TENM4: variants seen among roughly 807,000 people sequenced by gnomAD.
The protein encoded by TENM4 is teneurin-4.
Under a neutral mutation model 243.3 loss-of-function variants are expected in TENM4, and 82 were observed. The ratio of observed to expected loss-of-function variants is 0.34; its 90% confidence interval spans 0.28 to 0.40. The LOEUF is 0.40. TENM4 is among the 10% of genes least tolerant of loss of function. The probability of loss-of-function intolerance (pLI) is 1.00; values close to 1 mark genes in which losing one functional copy is unlikely to be tolerated. For missense variants in TENM4, 3,138 were observed against 3,673.3 expected, an observed-to-expected ratio of 0.85 and a Z score of 3.77; for synonymous variants, 1,412 against 1,456.3, an observed-to-expected ratio of 0.97 and a Z score of 0.69.
At chr11:79,131,798 C>G (rs750756068) in intron 4 of TENM4, among the ~76,000 whole-genome samples, 1 of 152,116 alleles carries the variant, frequency 6.6e-6, no homozygotes, top group Non-Finnish European at 1.5e-5. Context: ...CAGTCCTTAC[C>G]TAGCAGTAAG....
intron 6 of TENM4, among the ~76,000 whole-genome samples, chr11:79,055,218 T>G (rs534563542): frequency 6.6e-6 from 1 of 152,176 alleles, no homozygotes; most frequent in East Asian, 1.9e-4. Flanking sequence ...CTTCTCTCTA[T>G]TCTATCTATT....
chr11:78,746,855 C>T (rs1239273432), intron 19 of TENM4, among the ~76,000 whole-genome samples: 1 of 152,230 alleles, frequency 6.6e-6, no homozygotes, highest in African/African-American at 2.4e-5. Context: ...TAGAAAAATA[C>T]AAGGCAGCTC....
chr11:78,747,521 A>G (rs1374198930), intron 19 of TENM4, among the ~76,000 whole-genome samples: 2 of 152,182 alleles, frequency 1.3e-5, no homozygotes, highest in East Asian at 3.9e-4. Flanking sequence ...TTAGACCCAC[A>G]GGGTGGACTC....
chr11:78,961,266 G>A (rs1328382807), intron 6 of TENM4, among the ~76,000 whole-genome samples: 1 of 152,136 alleles, frequency 6.6e-6, no homozygotes, highest in Non-Finnish European at 1.5e-5. Flanking sequence ...GGAAATCCTG[G>A]GGCTATTAAG....
chr11:79,040,249 A>C (rs1305124477), intron 6 of TENM4, among the ~76,000 whole-genome samples: 1 of 152,146 alleles, frequency 6.6e-6, no homozygotes, highest in Non-Finnish European at 1.5e-5. Flanking sequence ...CATTGACCTA[A>C]AAGAGTTGTG....
intron 1 of TENM4, among the ~76,000 whole-genome samples, chr11:79,390,591 G>C (rs1858211658): frequency 8.8e-6 from 1 of 113,712 alleles, no homozygotes; most frequent in South Asian, 2.9e-4. Flanking sequence ...ACAGGGTCAG[G>C]AAAGAGAGGC....
At chr11:79,309,904 T>C (rs1255346203) in intron 1 of TENM4, among the ~76,000 whole-genome samples, 2 of 152,188 alleles carry the variant, frequency 1.3e-5, no homozygotes, top group Non-Finnish European at 2.9e-5. Flanking sequence ...TGTTCCCCCA[T>C]CTCTGGCCAT....
At chr11:79,061,965 ATT>A (rs10647135) in intron 6 of TENM4, among the ~76,000 whole-genome samples, 3 of 143,286 alleles carry the variant, frequency 2.1e-5, no homozygotes, top group Admixed American at 6.9e-5. Context: ...GGTGGCAACT[ATT>A]TTTTTTTTTT....
chr11:79,030,862 G>A (rs761570563), intron 6 of TENM4, among the ~76,000 whole-genome samples: 13 of 152,110 alleles, frequency 8.5e-5, no homozygotes, highest in South Asian at 2.1e-4. Flanking sequence ...GCAGGCCCCC[G>A]CCAAGGCCCT....
At chr11:79,302,757 TC>T (rs1248355466) in intron 1 of TENM4, among the ~76,000 whole-genome samples, 1 of 152,178 alleles carries the variant, frequency 6.6e-6, no homozygotes, top group Admixed American at 6.5e-5. Context: ...TTCCCCACTT[TC>T]CTATAGGGTC....
intron 6 of TENM4, among the ~76,000 whole-genome samples, chr11:78,918,555 A>T (rs534690128): frequency 1.9e-4 from 29 of 152,242 alleles, no homozygotes; most frequent in Non-Finnish European, 3.7e-4. Flanking sequence ...AGTTATATTC[A>T]TAACCACAGC....
chr11:79,295,796 A>G (rs1003100085), intron 2 of TENM4, among the ~76,000 whole-genome samples: 2 of 151,892 alleles, frequency 1.3e-5, no homozygotes, highest in Non-Finnish European at 2.9e-5. Context: ...GTAATCAAAG[A>G]GTTTAATGAG....
chr11:78,928,155 T>C (rs1856590941), intron 6 of TENM4, among the ~76,000 whole-genome samples: 2 of 152,138 alleles, frequency 1.3e-5, no homozygotes, highest in African/African-American at 4.8e-5. Context: ...CCCGTCTCCT[T>C]ACTCTGCAGC....
intron 9 of TENM4, among the ~76,000 whole-genome samples, chr11:78,871,315 AT>A (rs1208192095): frequency 6.6e-6 from 1 of 151,982 alleles, no homozygotes; most frequent in African/African-American, 2.4e-5. Context: ...GGAGCTTGGT[AT>A]TTACTGACAT....
intron 4 of TENM4, among the ~76,000 whole-genome samples, chr11:79,143,732 A>G (rs1328668016): frequency 6.6e-6 from 1 of 151,878 alleles, no homozygotes; most frequent in Non-Finnish European, 1.5e-5. Flanking sequence ...GTGCTGGGAA[A>G]ACAAGGTATC....
At chr11:79,165,068 AT>A (rs1565231745) in intron 3 of TENM4, among the ~76,000 whole-genome samples, 1 of 151,654 alleles carries the variant, frequency 6.6e-6, no homozygotes, top group Non-Finnish European at 1.5e-5. Context: ...CTGGTTTCAT[AT>A]TTTTGAAATT....
Position 78,756,929 on chromosome 11 carries a change from T to C in TENM4, c.2632A>G (p.Ile878Val), listed in dbSNP as rs549997412. 2.5e-6 allele frequency: 4 copies of C among 1,613,874 alleles called. No individual in the cohort carries two copies. The South Asian group carries it at 3.3e-5, about 13-fold the overall frequency. Residue 878 changes from isoleucine to valine, a missense_variant, in exon 19 of 34, where the codon ATC (isoleucine) becomes GTC (valine). Physicochemically the swap from Ile to Val is conservative, Grantham distance 29. Around this residue, in one of 2 missense-constraint regions of TENM4, gnomAD observed 2,467 missense variants for 3,059.1 expected, o/e 0.81. Coordinates refer to ENST00000278550, the MANE Select transcript of TENM4 (RefSeq NM_001098816.3). ...LCLGSPNPLD[I>V]IQETQVPVSQ... ...ACAGGGACCTGTGTCTCCTGGATGA[T>C]GTCCAGAGGGTTAGGGGAGCCAAGG...
chr11:79,409,855 G>A lies in TENM4; in HGVS notation c.-321+30654C>T, dbSNP rs530653897. Among the ~76,000 whole-genome samples, 16 of 152,290 alleles carry A rather than the reference G, an allele frequency of 1.1e-4. No homozygotes were observed. The East Asian group carries it at 3.1e-3, about 29-fold the overall frequency. Reference sequence around the variant, plus strand: ...TGGCCCCTGATGGAACAATAGTCCAGCAAATGTGTCAGTGTCCCTCTGAGG... The same window carrying A: ...TGGCCCCTGATGGAACAATAGTCCAACAAATGTGTCAGTGTCCCTCTGAGG... On this transcript the variant is annotated intron_variant, in intron 1 of 33. Transcript: ENST00000278550.
chr11:79,056,084 C>T (rs747137036), intron 6 of TENM4, among the ~76,000 whole-genome samples: 1 of 152,160 alleles, frequency 6.6e-6, no homozygotes, highest in Admixed American at 6.5e-5. Flanking sequence ...GTTCAAGCAG[C>T]CTCAGAAACC....
Sources: allele counts gnomAD v4.1 joint callset (sites outside exome capture counted in the v4.1 genomes callset), GRCh38; gene constraint gnomAD v4.1.1; regional missense constraint gnomAD v4.1.1; transcripts MANE v1.5; gene names NCBI Gene and HGNC (gene_info 2026-07-23, HGNC 2026-07-21).